The following UBTD2 variants were observed in gnomAD, a reference collection of about 807,000 sequenced individuals.
UBTD2 encodes the protein ubiquitin domain containing 2, also known as ubiquitin domain-containing protein 2.
Under a neutral mutation model 19.8 loss-of-function variants are expected in UBTD2, and 9 were observed. The ratio of observed to expected loss-of-function variants is 0.46; its 90% CI spans 0.27 to 0.79. The LOEUF is 0.79. UBTD2 is among the 30% of genes least tolerant of loss of function. UBTD2 has a pLI of 0.14. For synonymous variants in UBTD2, 98 were observed against 103.9 expected (o/e 0.94, Z 0.35); for missense variants, 250 against 300.4 (o/e 0.83, Z 1.24).
rs997297678 is a variant in UBTD2 at position 172,254,978 on chromosome 5, A to C, written c.71-20620T>G. On this transcript the variant is annotated intron_variant, in intron 1 of 2. Coordinates refer to ENST00000393792, the MANE Select transcript of UBTD2 (RefSeq NM_152277.3). ...GAGGTGACTCATGTACATAAAGGGG[A>C]TGGGCTGCACCACCACCGGCTGGAT... 9 of 564,724 alleles carry C rather than the reference A, an allele frequency of 1.6e-5. No individual in the cohort carries two copies. The Admixed American group carries it at 1.6e-4, about 10-fold the overall frequency. The allele number at this position is 564,724 out of a possible 1,614,324, so 35.0% of individuals were successfully genotyped here. A position where few individuals can be genotyped will look rare whatever the true frequency, so the allele number is the denominator to read the frequency against.
At chr5:172,246,597 C>A (rs1304298759) in intron 1 of UBTD2, among the ~76,000 whole-genome samples, 1 of 151,408 alleles carries the variant, frequency 6.6e-6, no homozygotes, top group East Asian at 1.9e-4. Flanking sequence ...GTGAATGCCA[C>A]CATGCCTGGC....
At position 172,210,455 on chromosome 5, in the gene UBTD2, T is replaced by G. The variant is rs1771419342; in HGVS notation, c.*1375A>C. ...TCACATGTTAGCCCCCCTTCTCACT[T>G]ATGGAACCAACTTTTAAAAGGCTCC... On this transcript the variant is annotated 3_prime_UTR_variant, in exon 3 of 3. Transcript: ENST00000393792. 1.3e-5 allele frequency: 2 copies of G among 152,124 alleles called. No homozygotes were observed. The highest frequency in any genetic ancestry group is 4.1e-4 in the South Asian group (2 of 4,830). The allele number at this position is 152,124 out of a possible 1,614,324, so 9.4% of individuals were successfully genotyped here.
At chr5:172,232,525 A>T (rs975955575) in intron 2 of UBTD2, among the ~76,000 whole-genome samples, 2 of 152,194 alleles carry the variant, frequency 1.3e-5, no homozygotes, top group African/African-American at 4.8e-5. Flanking sequence ...AATTAATCAG[A>T]AAACTAATGG....
chr5:172,244,630 C>G (rs567024106), intron 1 of UBTD2, among the ~76,000 whole-genome samples: 23 of 152,168 alleles, frequency 1.5e-4, no homozygotes, highest in Admixed American at 5.9e-4. Context: ...ATGTCCTGGA[C>G]ATTTGGTGCA....
At chr5:172,214,010 T>C (rs1771498319) in intron 2 of UBTD2, among the ~76,000 whole-genome samples, 1 of 152,208 alleles carries the variant, frequency 6.6e-6, no homozygotes, top group Non-Finnish European at 1.5e-5. Flanking sequence ...GTTCTTGAAC[T>C]CCTGACCTAG....
chr5:172,270,882 C>CA (rs953095836), intron 1 of UBTD2, among the ~76,000 whole-genome samples: 7 of 152,150 alleles, frequency 4.6e-5, no homozygotes, highest in East Asian at 3.9e-4. Context: ...GTTAGAAGCA[C>CA]AAAAAACAAA....
intron 1 of UBTD2, among the ~76,000 whole-genome samples, chr5:172,281,964 A>C (rs1028137514): frequency 1.3e-5 from 2 of 152,232 alleles, no homozygotes; most frequent in African/African-American, 2.4e-5. Context: ...ACCCAAAGCT[A>C]AGATTTCACG....
At chr5:172,252,678 T>C (rs1039553011) in intron 1 of UBTD2, among the ~76,000 whole-genome samples, 2 of 152,146 alleles carry the variant, frequency 1.3e-5, no homozygotes, top group African/African-American at 4.8e-5. Context: ...CTTGAGAAAT[T>C]CTAATGTTAA....
At position 172,283,537 on chromosome 5, in the gene UBTD2, G is replaced by T; in HGVS notation, c.70+59C>A. On this transcript the variant is annotated intron_variant, in intron 1 of 2. Coordinates refer to ENST00000393792, the MANE Select transcript of UBTD2 (RefSeq NM_152277.3). This position sits in a 1 kb window ranked among gnomAD's most constrained non-coding sequence, Gnocchi z 4.3. ...GCGCGGCCCGCGGGGGTCGGGACAG[G>T]TGGCCGGGCCTGGCCGGGAACAATG... The T allele has an allele frequency of 8.0e-7, 1 of 1,246,112 alleles. No homozygotes were observed. The allele number at this position is 1,246,112 out of a possible 1,614,324, so 77.2% of individuals were successfully genotyped here. A position where few individuals can be genotyped will look rare whatever the true frequency, so the allele number is the denominator to read the frequency against.
At position 172,283,576 on chromosome 5, in the gene UBTD2, G is replaced by GC; in HGVS notation, c.70+19dup. 4.6e-6 allele frequency: 6 copies of GC among 1,296,504 alleles called. No homozygotes were observed. The highest frequency in any genetic ancestry group is 3.7e-5 in the Admixed American group (1 of 27,154). The allele number at this position is 1,296,504 out of a possible 1,614,324, so 80.3% of individuals were successfully genotyped here. On this transcript the variant is annotated intron_variant, in intron 1 of 2. Transcript: ENST00000393792. This position sits in a 1 kb window ranked among gnomAD's most constrained non-coding sequence, Gnocchi z 4.3. ...CCGGGAACAATGGGGGGCCGAGGCT[G>GC]CCCCCTGGCGCTCACCTACCTCCGG... is the stretch of plus-strand genomic sequence containing the variant.
intron 1 of UBTD2, among the ~76,000 whole-genome samples, chr5:172,271,575 A>G (rs971683575): frequency 6.6e-6 from 1 of 152,098 alleles, no homozygotes; most frequent in Non-Finnish European, 1.5e-5. Flanking sequence ...ACTTAAATGT[A>G]TGATTCCTCC....
Position 172,283,268 on chromosome 5 carries a change from C to T in UBTD2, c.70+328G>A, listed in dbSNP as rs1379429685. Among the ~76,000 whole-genome samples, 1 of 152,144 alleles carries T rather than the reference C, an allele frequency of 6.6e-6. No individual in the cohort carries two copies. Among genetic ancestry groups the T allele is most frequent in the Non-Finnish European group, 1.5e-5 (1 of 68,026 alleles). On this transcript the variant is annotated intron_variant, in intron 1 of 2. Coordinates refer to ENST00000393792, the MANE Select transcript of UBTD2 (RefSeq NM_152277.3). The surrounding 1 kb of genome is among the most constrained non-coding windows in gnomAD (Gnocchi z 4.3). ...TTTTCTGCAACCCCGGCGCCGCCAT[C>T]CTGATCCTCAATAATTAAACGGCCT...
chr5:172,260,771 C>G (rs556930075), intron 1 of UBTD2, among the ~76,000 whole-genome samples: 1 of 152,240 alleles, frequency 6.6e-6, no homozygotes, highest in South Asian at 2.1e-4. Context: ...TTCTAAAGTT[C>G]CTTTTCACTA....
chr5:172,240,492 A>G (rs1000415507), intron 1 of UBTD2, among the ~76,000 whole-genome samples: 6 of 144,698 alleles, frequency 4.1e-5, no homozygotes, highest in Non-Finnish European at 7.4e-5. Context: ...TATTGGGGGG[A>G]AAAAAATCAA....
chr5:172,244,245 T>C (rs558005866), intron 1 of UBTD2, among the ~76,000 whole-genome samples: 2 of 152,130 alleles, frequency 1.3e-5, no homozygotes, highest in South Asian at 4.2e-4. Context: ...GAATGTTAAA[T>C]TTTATTTGAT....
chr5:172,224,298 C>CTTT (rs35105814), intron 2 of UBTD2, among the ~76,000 whole-genome samples: 11 of 121,650 alleles, frequency 9.0e-5, no homozygotes, highest in Admixed American at 2.7e-4. Context: ...TTTTTCATTT[C>CTTT]TTTTTTTTTT....
At chr5:172,274,288 G>A (rs181871927) in intron 1 of UBTD2, among the ~76,000 whole-genome samples, 6 of 151,896 alleles carry the variant, frequency 4.0e-5, no homozygotes, top group African/African-American at 1.2e-4. Context: ...CTACAGGCAC[G>A]TGCCACCATG....
chr5:172,259,235 T>C (rs1320805675), intron 1 of UBTD2, among the ~76,000 whole-genome samples: 3 of 152,084 alleles, frequency 2.0e-5, no homozygotes, highest in African/African-American at 7.2e-5. Flanking sequence ...CTCTGCCTCC[T>C]GGGTTCAAGC....
intron 2 of UBTD2, among the ~76,000 whole-genome samples, chr5:172,230,211 C>T (rs2113889023): frequency 6.6e-6 from 1 of 152,310 alleles, no homozygotes. Flanking sequence ...TTACTCTCCC[C>T]ATTGCCACTT....
Sources: gnomAD v4.1 joint callset for allele counts (sites outside exome capture counted in the v4.1 genomes callset) on GRCh38, gnomAD v4.1.1 for gene constraint, Gnocchi (gnomAD v3.1) non-coding constraint, MANE v1.5 for transcripts, NCBI Gene and HGNC (gene_info 2026-07-23, HGNC 2026-07-21) for gene names.